ZFAND3: variants seen among roughly 807,000 people sequenced by gnomAD.
ZFAND3 encodes zinc finger AN1-type containing 3.
Under a neutral mutation model 29.6 loss-of-function variants are expected in ZFAND3, and 10 were observed. That is an observed-to-expected ratio of 0.34 (90% confidence interval 0.21 to 0.57). The LOEUF is 0.57. ZFAND3 is among the 20% of genes least tolerant of loss of function. The pLI is 0.86. For synonymous variants in ZFAND3, 128 were observed against 112.6 expected, an observed-to-expected ratio of 1.14 and a Z score of -0.87; for missense variants, 230 against 304.5, an observed-to-expected ratio of 0.76 and a Z score of 1.82.
At chr6:37,874,624 C>G (rs2127389352) in intron 1 of ZFAND3, among the ~76,000 whole-genome samples, 1 of 152,216 alleles carries the variant, frequency 6.6e-6, no homozygotes, top group African/African-American at 2.4e-5. Context: ...TGTAAGACCC[C>G]ATGTCCAAAT....
chr6:37,948,581 A>G (rs549769255), intron 2 of ZFAND3, among the ~76,000 whole-genome samples: 93 of 152,330 alleles, frequency 6.1e-4, no homozygotes, highest in Non-Finnish European at 1.2e-3. Flanking sequence ...ATAGTACCCA[A>G]TAAATAGTTT....
Position 37,845,979 on chromosome 6 carries a change from A to G in ZFAND3, c.71+25963A>G, listed in dbSNP as rs1350058634. On this transcript the variant is annotated intron_variant, in intron 1 of 5. Coordinates refer to ENST00000287218, the MANE Select transcript of ZFAND3 (RefSeq NM_021943.3). ...AACTTGCACTGCCCTGCATCCTGGA[A>G]TTTGTGAAGTGAAGTGTTCTCTCAT... Among the ~76,000 whole-genome samples, 3 of 152,162 alleles carry G rather than the reference A, an allele frequency of 2.0e-5. No individual in the cohort carries two copies. The East Asian group carries it at 5.8e-4, about 29-fold the overall frequency.
At chr6:38,023,443 A>G (rs753294544) in intron 2 of ZFAND3, among the ~76,000 whole-genome samples, 1 of 152,232 alleles carries the variant, frequency 6.6e-6, no homozygotes, top group Non-Finnish European at 1.5e-5. Context: ...ATATGAAGTA[A>G]TGCATATGTT....
chr6:38,119,063 T>C (rs142377628), intron 5 of ZFAND3, among the ~76,000 whole-genome samples: 2,712 of 152,300 alleles, frequency 0.018, 41 homozygotes, highest in Middle Eastern at 0.037. Flanking sequence ...GTAACTTTCC[T>C]AGAGTCAGCT....
intron 2 of ZFAND3, among the ~76,000 whole-genome samples, chr6:38,039,914 T>C (rs1241942298): frequency 6.6e-6 from 1 of 152,188 alleles, no homozygotes; most frequent in Admixed American, 6.5e-5. Context: ...TGAAAATACA[T>C]GCTTACTGTG....
intron 2 of ZFAND3, among the ~76,000 whole-genome samples, chr6:37,951,483 T>C (rs1761997680): frequency 6.6e-6 from 1 of 152,052 alleles, no homozygotes; most frequent in South Asian, 2.1e-4. Flanking sequence ...TAATCCCTGC[T>C]ACACAGGAGG....
chr6:37,984,030 C>A (rs1762624741), intron 2 of ZFAND3, among the ~76,000 whole-genome samples: 1 of 152,074 alleles, frequency 6.6e-6, no homozygotes, highest in African/African-American at 2.4e-5. Context: ...CATCATTTTT[C>A]TTTTTTGGGT....
intron 2 of ZFAND3, among the ~76,000 whole-genome samples, chr6:37,944,064 T>G (rs1250209536): frequency 6.6e-6 from 1 of 152,222 alleles, no homozygotes; most frequent in African/African-American, 2.4e-5. Context: ...GTCTTGCAGG[T>G]AAACATTCAT....
intron 1 of ZFAND3, among the ~76,000 whole-genome samples, chr6:37,893,727 T>A (rs1765146046): frequency 6.6e-6 from 1 of 152,120 alleles, no homozygotes; most frequent in Non-Finnish European, 1.5e-5. Flanking sequence ...CTGATTTTTG[T>A]ATTTTTAGTA....
chr6:37,862,771 G>A (rs1764517266), intron 1 of ZFAND3, among the ~76,000 whole-genome samples: 1 of 151,480 alleles, frequency 6.6e-6, no homozygotes, highest in South Asian at 2.1e-4. Flanking sequence ...AGCATAGTAT[G>A]GTATTACAGA....
chr6:37,987,928 T>G (rs1206895757), intron 2 of ZFAND3, among the ~76,000 whole-genome samples: 1 of 152,208 alleles, frequency 6.6e-6, no homozygotes, highest in East Asian at 1.9e-4. Flanking sequence ...TTTGAATAGA[T>G]TTAGTATTTT....
At chr6:38,032,690 G>A (rs56390138) in intron 2 of ZFAND3, among the ~76,000 whole-genome samples, 1 of 152,142 alleles carries the variant, frequency 6.6e-6, no homozygotes, top group African/African-American at 2.4e-5. Flanking sequence ...TCTAATAACT[G>A]TGGAGGGGAA....
At chr6:38,000,896 A>G (rs529014402) in intron 2 of ZFAND3, among the ~76,000 whole-genome samples, 3 of 152,268 alleles carry the variant, frequency 2.0e-5, no homozygotes, top group Admixed American at 6.5e-5. Flanking sequence ...GACACAACCA[A>G]ACCATATCAC....
chr6:38,129,954 T>C (rs137923671), intron 5 of ZFAND3, among the ~76,000 whole-genome samples: 2 of 152,184 alleles, frequency 1.3e-5, no homozygotes, highest in Non-Finnish European at 2.9e-5. Flanking sequence ...TCCATGAGCA[T>C]GGGATGTGTT....
At chr6:37,997,027 G>C (rs983348317) in intron 2 of ZFAND3, among the ~76,000 whole-genome samples, 1 of 152,130 alleles carries the variant, frequency 6.6e-6, no homozygotes, top group Non-Finnish European at 1.5e-5. Flanking sequence ...ATGTACTCTA[G>C]AACTTCATAT....
intron 3 of ZFAND3, chr6:38,062,761 T>A (rs190121226): frequency 7.9e-5 from 12 of 152,270 alleles, no homozygotes; most frequent in African/African-American, 2.9e-4. Flanking sequence ...TACATCTCTT[T>A]TAGGGCACAA....
intron 1 of ZFAND3, among the ~76,000 whole-genome samples, chr6:37,881,487 G>A (rs1764893841): frequency 6.6e-6 from 1 of 152,148 alleles, no homozygotes; most frequent in African/African-American, 2.4e-5. Flanking sequence ...CTGTCTTTCT[G>A]CTTAGGCCAG....
At chr6:37,824,747 TATC>T (rs1446179374) in intron 1 of ZFAND3, among the ~76,000 whole-genome samples, 13 of 152,296 alleles carry the variant, frequency 8.5e-5, no homozygotes, top group Admixed American at 1.3e-4. Flanking sequence ...ACAAAGCAAA[TATC>T]ATATGGGTTC....
intron 2 of ZFAND3, among the ~76,000 whole-genome samples, chr6:37,989,842 T>C (rs1019511226): frequency 2.0e-5 from 3 of 152,220 alleles, no homozygotes; most frequent in African/African-American, 7.2e-5. Flanking sequence ...TGAAATGAAA[T>C]GCTGTTTCTA....
Sources: gnomAD v4.1 joint callset for allele counts (sites outside exome capture counted in the v4.1 genomes callset) on GRCh38, gnomAD v4.1.1 for gene constraint, MANE v1.5 for transcripts, NCBI Gene and HGNC (gene_info 2026-07-23, HGNC 2026-07-21) for gene names.